CAMTA1: variants seen among roughly 807,000 people sequenced by gnomAD.
CAMTA1 encodes calmodulin binding transcription activator 1, also known as calmodulin-binding transcription activator 1.
In CAMTA1, 27 loss-of-function variants were observed where a neutral mutation model predicts 170.9. That is an observed-to-expected ratio of 0.16 (90% CI 0.12 to 0.22). CAMTA1 has a LOEUF of 0.22. Among genes scored for constraint, CAMTA1 ranks in the 10% least tolerant of loss-of-function variants. The pLI, the probability that CAMTA1 is intolerant of heterozygous loss-of-function variation, is 1.00. For missense variants in CAMTA1, 1,619 were observed against 2,217.2 expected, an observed-to-expected ratio of 0.73 and a Z score of 5.42; for synonymous variants, 833 against 891.5, an observed-to-expected ratio of 0.93 and a Z score of 1.17.
rs143443477 is a variant in CAMTA1 at position 7,233,249 on chromosome 1, G to A, written c.303-16242G>A. On this transcript the variant is annotated intron_variant, in intron 4 of 22. Coordinates refer to ENST00000303635, the MANE Select transcript of CAMTA1 (RefSeq NM_015215.4). ...TGGAATATGACAAGTGAGGGGCCAC[G>A]GAAGCACCAGGCACCATTTGGGAGG... Among the ~76,000 whole-genome samples, 756 of 152,276 alleles carry A rather than the reference G, an allele frequency of 5.0e-3. 15 individuals carry two copies. The highest frequency in any genetic ancestry group is 0.038 in the Admixed American group (586 of 15,294).
rs181754252 is a variant in CAMTA1, at chr1:6,934,619, C to T, written c.234+109409C>T. On this transcript the variant is annotated intron_variant, in intron 3 of 22. Coordinates refer to ENST00000303635, the MANE Select transcript of CAMTA1 (RefSeq NM_015215.4). The surrounding 1 kb of genome is among the most constrained non-coding windows in gnomAD (Gnocchi z 4.5). ...TGGAATCCTTGCCTTCCAGGGGAGA[C>T]CTGTGGCCGGCAGGAGCTGCCCGAG... Among the ~76,000 whole-genome samples, 24 of 152,292 alleles carry T rather than the reference C, an allele frequency of 1.6e-4. No individual in the cohort carries two copies. The highest frequency in any genetic ancestry group is 5.9e-4 in the Admixed American group (9 of 15,302).
At chr1:7,074,306 C>G (rs999485857) in intron 3 of CAMTA1, among the ~76,000 whole-genome samples, 2 of 152,170 alleles carry the variant, frequency 1.3e-5, no homozygotes, top group African/African-American at 2.4e-5. Context: ...TATTGCTTGT[C>G]TTGCAAAATG....
At position 6,895,069 on chromosome 1, in the gene CAMTA1, C is replaced by T. The variant is rs571213883; in HGVS notation, c.234+69859C>T. Among the ~76,000 whole-genome samples, 34 of 152,268 alleles carry T rather than the reference C, an allele frequency of 2.2e-4. No homozygotes were observed. In the South Asian group the frequency reaches 6.8e-3, roughly 31 times the overall value. Reference sequence around the variant, plus strand: ...CTGTGTGTGGGCCTGAACTCACCCACCTTTCATTTTGGAGCATGATTGTCT... The same window carrying T: ...CTGTGTGTGGGCCTGAACTCACCCATCTTTCATTTTGGAGCATGATTGTCT... On this transcript the variant is annotated intron_variant, in intron 3 of 22. Transcript: ENST00000303635.
intron 6 of CAMTA1, among the ~76,000 whole-genome samples, chr1:7,579,572 T>TTTTTTA (rs2095240454): frequency 3.7e-5 from 5 of 134,312 alleles, no homozygotes; most frequent in Non-Finnish European, 3.1e-5. Context: ...TTTTTTTTTT[T>TTTTTTA]TTTTTGAGAT....
chr1:7,692,597 G>A (rs1409415027), intron 11 of CAMTA1, among the ~76,000 whole-genome samples: 1 of 152,186 alleles, frequency 6.6e-6, no homozygotes, highest in Non-Finnish European at 1.5e-5. Flanking sequence ...CAGGAATCCT[G>A]CTGCTTCAAA....
At chr1:7,442,940 C>G (rs1449823397) in intron 5 of CAMTA1, among the ~76,000 whole-genome samples, 1 of 152,148 alleles carries the variant, frequency 6.6e-6, no homozygotes, top group African/African-American at 2.4e-5. Flanking sequence ...AGTGCTACTG[C>G]CCTGGCCTTC....
chr1:7,024,059 A>G (rs1327042643), intron 3 of CAMTA1, among the ~76,000 whole-genome samples: 2 of 151,432 alleles, frequency 1.3e-5, no homozygotes, highest in Non-Finnish European at 2.9e-5. Flanking sequence ...AGAAAGAAAG[A>G]AAGAAACAAA....
intron 4 of CAMTA1, among the ~76,000 whole-genome samples, chr1:7,214,161 C>T (rs1236670977): frequency 2.6e-5 from 4 of 152,136 alleles, no homozygotes; most frequent in Non-Finnish European, 5.9e-5. Context: ...AATTCTAGTT[C>T]TAGATCCCTG....
At chr1:7,160,171 C>T (rs943237945) in intron 4 of CAMTA1, among the ~76,000 whole-genome samples, 1 of 152,140 alleles carries the variant, frequency 6.6e-6, no homozygotes, top group African/African-American at 2.4e-5. Flanking sequence ...ATCATTTGAA[C>T]CTGGGAGGAA....
intron 4 of CAMTA1, among the ~76,000 whole-genome samples, chr1:7,160,365 C>T (rs1328153140): frequency 6.6e-6 from 1 of 152,192 alleles, no homozygotes; most frequent in African/African-American, 2.4e-5. Flanking sequence ...GCTGTCTTTA[C>T]CTTGTCACCT....
chr1:6,841,283 A>G (rs1164536948), intron 3 of CAMTA1, among the ~76,000 whole-genome samples: 3 of 152,186 alleles, frequency 2.0e-5, no homozygotes, highest in Admixed American at 6.5e-5. Flanking sequence ...CCTAAATTCT[A>G]TCTTCAGCCT....
intron 6 of CAMTA1, among the ~76,000 whole-genome samples, chr1:7,629,858 AG>A (rs1356833424): frequency 1.3e-5 from 2 of 150,332 alleles, no homozygotes; most frequent in Non-Finnish European, 3.0e-5. Flanking sequence ...GGATCCTGGG[AG>A]GTCCTCTCTC....
intron 6 of CAMTA1, among the ~76,000 whole-genome samples, chr1:7,575,208 A>G (rs2095176014): frequency 6.6e-6 from 1 of 152,202 alleles, no homozygotes; most frequent in Non-Finnish European, 1.5e-5. Context: ...TCTTTGCTGA[A>G]TGCCACAACA....
rs541790025 is a variant in CAMTA1, at chr1:7,443,305, G to A, written c.439-24525G>A. 2.0e-5 allele frequency among the ~76,000 whole-genome samples: 3 copies of A among 152,344 alleles called. No individual in the cohort carries two copies. The South Asian group carries it at 6.2e-4, about 32-fold the overall frequency. ...GACCAGGTCTGTTCTGGTCCCCATC[G>A]CATGCTCAGCCCCAGCATCGGGCCT... is the stretch of plus-strand genomic sequence containing the variant. On this transcript the variant is annotated intron_variant, in intron 5 of 22. Transcript: ENST00000303635. The surrounding 1 kb of genome is among the most constrained non-coding windows in gnomAD (Gnocchi z 4.1).
chr1:7,118,737 A>T (rs1402238842), intron 4 of CAMTA1, among the ~76,000 whole-genome samples: 2 of 152,172 alleles, frequency 1.3e-5, no homozygotes, highest in Non-Finnish European at 2.9e-5. Context: ...TTTTGCAAAC[A>T]TACACTCCAC....
chr1:7,507,670 G>A (rs1295087545), intron 6 of CAMTA1, among the ~76,000 whole-genome samples: 8 of 152,310 alleles, frequency 5.3e-5, no homozygotes, highest in Non-Finnish European at 2.9e-5. Flanking sequence ...GCCAGCCCCC[G>A]AGCAGGCAAC....
chr1:7,131,142 C>T (rs1033260053), intron 4 of CAMTA1, among the ~76,000 whole-genome samples: 3 of 151,920 alleles, frequency 2.0e-5, no homozygotes, highest in African/African-American at 7.3e-5. Flanking sequence ...TTAGTAGAGA[C>T]GGGGTTTCAC....
chr1:7,713,211 A>G (rs1230684394), intron 11 of CAMTA1, among the ~76,000 whole-genome samples: 2 of 152,230 alleles, frequency 1.3e-5, no homozygotes, highest in African/African-American at 4.8e-5. Context: ...CATTTCCCAC[A>G]CTGATCTCTG....
chr1:7,661,499 G>A (rs984151795), intron 7 of CAMTA1, among the ~76,000 whole-genome samples: 1 of 152,204 alleles, frequency 6.6e-6, no homozygotes, highest in African/African-American at 2.4e-5. Flanking sequence ...ACCATAGTGA[G>A]GGGGAGCTAA....
Sources: allele counts gnomAD v4.1 joint callset (sites outside exome capture counted in the v4.1 genomes callset), GRCh38; gene constraint gnomAD v4.1.1; non-coding constraint Gnocchi (gnomAD v3.1); transcripts MANE v1.5; gene names NCBI Gene and HGNC (gene_info 2026-07-23, HGNC 2026-07-21).